The following KIT variants were observed in gnomAD, a reference collection of about 807,000 sequenced individuals.
The protein encoded by KIT is mast/stem cell growth factor receptor Kit.
A neutral mutation model predicts 105.7 loss-of-function variants in KIT; 16 were observed. That is an observed-to-expected ratio of 0.15 (90% confidence interval 0.10 to 0.23). The LOEUF (loss-of-function observed/expected upper bound fraction) is 0.23. KIT is among the 10% of genes least tolerant of loss of function. The pLI, the probability that KIT is intolerant of heterozygous loss-of-function variation, is 1.00. For missense variants in KIT, 858 were observed against 1,213.8 expected (o/e 0.71, Z 4.36); for synonymous variants, 438 against 441.1 (o/e 0.99, Z 0.09).
intron 4 of KIT, among the ~76,000 whole-genome samples, chr4:54,702,842 G>C (rs190152474): frequency 6.6e-6 from 1 of 152,060 alleles, no homozygotes; most frequent in Non-Finnish European, 1.5e-5. Flanking sequence ...CCAAAGCCTC[G>C]CCAAGGAATC....
chr4:54,677,645 C>A (rs1402498375), intron 1 of KIT, among the ~76,000 whole-genome samples: 1 of 152,122 alleles, frequency 6.6e-6, no homozygotes, highest in Admixed American at 6.5e-5. Flanking sequence ...CCACCCACTT[C>A]CAAATCTATT....
intron 17 of KIT, among the ~76,000 whole-genome samples, chr4:54,734,548 C>T (rs1370823408): frequency 6.6e-6 from 1 of 152,192 alleles, no homozygotes; most frequent in Non-Finnish European, 1.5e-5. Flanking sequence ...GGGGTTGGCT[C>T]TATCAGGCTT....
chr4:54,698,692 C>CA (rs1224166428), intron 3 of KIT, 127 bp downstream of exon 3: 2 of 1,025,940 alleles, frequency 1.9e-6, no homozygotes, highest in African/African-American at 3.2e-5. Context: ...CCCCCAGCTT[C>CA]AAAAAATGTC....
At chr4:54,693,698 A>T (rs1319779189) in intron 1 of KIT, among the ~76,000 whole-genome samples, 2 of 152,018 alleles carry the variant, frequency 1.3e-5, no homozygotes, top group African/African-American at 2.4e-5. Context: ...ATATGGTGGC[A>T]GGGGACATAA....
rs1040743879 is a variant in KIT, at chr4:54,717,227, A to G, written c.1232-6357A>G. On this transcript the variant is annotated intron_variant, in intron 7 of 20. Transcript: ENST00000288135. ...TAATGGCAACCTACTTTTAAAGTAG[A>G]ACTTGATTCTCTTCTGTTCTGAAAA... is the stretch of plus-strand genomic sequence containing the variant. Among the ~76,000 whole-genome samples, 5 of 152,236 alleles carry G rather than the reference A, an allele frequency of 3.3e-5. No individual in the cohort carries two copies. The South Asian group carries it at 1.0e-3, about 31-fold the overall frequency.
At chr4:54,700,122 C>G (rs1279465716) in intron 4 of KIT, among the ~76,000 whole-genome samples, 1 of 152,088 alleles carries the variant, frequency 6.6e-6, no homozygotes, top group Non-Finnish European at 1.5e-5. Flanking sequence ...ACCGTTTAGG[C>G]CAGACTATTT....
In KIT at chr4:54,731,434, A is replaced by G. The variant is rs1201362141; in HGVS notation, c.2233+15A>G. ...TGTGAGAATAGGTGAGTACCTACCTATCAAGCAACCAAGAGTAACTTTACA... is the reference window on the plus strand; with the variant it reads ...TGTGAGAATAGGTGAGTACCTACCTGTCAAGCAACCAAGAGTAACTTTACA... On this transcript the variant is annotated intron_variant, in intron 15 of 20. Coordinates refer to ENST00000288135, the MANE Select transcript of KIT (RefSeq NM_000222.3). 1.3e-6 allele frequency: 2 copies of G among 1,536,304 alleles called. No individual in the cohort carries two copies. The highest frequency in any genetic ancestry group is 2.7e-5 in the African/African-American group (2 of 73,338).
chr4:54,738,173 T>G (rs1243718940), intron 20 of KIT, among the ~76,000 whole-genome samples: 1 of 152,112 alleles, frequency 6.6e-6, no homozygotes, highest in Non-Finnish European at 1.5e-5. Context: ...GTGTGCCCTT[T>G]TAGAAGAGCT....
At chr4:54,703,645 T>C in intron 4 of KIT, 79 bp from the exon 5 acceptor site, 1 of 1,231,614 alleles carries the variant, frequency 8.1e-7, no homozygotes, top group Non-Finnish European at 1.2e-6. Flanking sequence ...GCTGCTATTT[T>C]TAATTTATCT....
chr4:54,673,337 G>A (rs768268601), intron 1 of KIT, among the ~76,000 whole-genome samples: 3 of 151,934 alleles, frequency 2.0e-5, no homozygotes, highest in African/African-American at 2.4e-5. Context: ...TTTTAACCGC[G>A]TCATAATTCA....
intron 3 of KIT, 22 bp downstream of exon 3, chr4:54,698,587 C>A: frequency 6.2e-7 from 1 of 1,613,320 alleles, no homozygotes; most frequent in East Asian, 2.2e-5. Context: ...TTCTTATCTG[C>A]CTCTGGGAGT....
intron 1 of KIT, among the ~76,000 whole-genome samples, chr4:54,683,788 G>C (rs1216642463): frequency 6.6e-6 from 1 of 152,120 alleles, no homozygotes; most frequent in African/African-American, 2.4e-5. Flanking sequence ...CAGCCCAAGG[G>C]CATCTTCTTT....
At chr4:54,732,859 T>C (rs1299038438) in intron 16 of KIT, among the ~76,000 whole-genome samples, 1 of 152,200 alleles carries the variant, frequency 6.6e-6, no homozygotes, top group South Asian at 2.1e-4. Flanking sequence ...AGAATTGCTT[T>C]TAAAAGAGAT....
rs1212691123 is a variant in KIT at position 54,694,642 on chromosome 4, A to C, written c.68-870A>C. On this transcript the variant is annotated intron_variant, in intron 1 of 20. Coordinates refer to ENST00000288135, the MANE Select transcript of KIT (RefSeq NM_000222.3). Reference sequence around the variant, plus strand: ...CAATCTTCCCACCTCAGCCTCCCAGAGTGCTGGGATTACAGGCGTGAGCCA... The same window carrying C: ...CAATCTTCCCACCTCAGCCTCCCAGCGTGCTGGGATTACAGGCGTGAGCCA... Among the ~76,000 whole-genome samples the C allele has an allele frequency of 2.6e-5, 4 of 152,258 alleles. No individual in the cohort carries two copies. In the East Asian group the frequency reaches 5.8e-4, roughly 22 times the overall value.
intron 13 of KIT, among the ~76,000 whole-genome samples, chr4:54,728,457 G>T (rs1433710955): frequency 1.3e-5 from 2 of 152,222 alleles, no homozygotes; most frequent in East Asian, 1.9e-4. Flanking sequence ...CACTGAAAGG[G>T]TTAATATTAA....
intron 1 of KIT, among the ~76,000 whole-genome samples, chr4:54,663,033 T>TA (rs11407544): frequency 0.58 from 87,401 of 151,434 alleles, 25,561 homozygotes; most frequent in African/African-American, 0.66. Context: ...TTCTCCAACA[T>TA]AACATTTGTG....
At chr4:54,729,509 T>C (rs564595302) in intron 14 of KIT, 24 bp downstream of exon 14, 2 of 1,610,928 alleles carry the variant, frequency 1.2e-6, no homozygotes, top group East Asian at 4.5e-5. Flanking sequence ...ACATAAATAG[T>C]TAGCTGTTGA....
chr4:54,727,697 T>C (rs1722327580), intron 11 of KIT, 126 bp from the exon 12 acceptor site: 1 of 1,285,928 alleles, frequency 7.8e-7, no homozygotes. Context: ...ATAGAGAACA[T>C]CGTAGGAAAA....
intron 17 of KIT, among the ~76,000 whole-genome samples, chr4:54,733,670 A>G (rs1170941279): frequency 6.6e-6 from 1 of 152,230 alleles, no homozygotes; most frequent in East Asian, 1.9e-4. Flanking sequence ...TTTGTAGAAC[A>G]TAGCAAATGT....
Sources: gnomAD v4.1 joint callset for allele counts (sites outside exome capture counted in the v4.1 genomes callset) on GRCh38, gnomAD v4.1.1 for gene constraint, MANE v1.5 for transcripts, NCBI Gene and HGNC (gene_info 2026-07-23, HGNC 2026-07-21) for gene names.